KCNIP4: variants seen among roughly 807,000 people sequenced by gnomAD.
KCNIP4 encodes the protein potassium voltage-gated channel interacting protein 4, also known as Kv channel-interacting protein 4.
Under a neutral mutation model 34.0 loss-of-function variants are expected in KCNIP4, and 12 were observed. The observed-to-expected ratio is 0.35, with a 90% CI of 0.23 to 0.57. The LOEUF (loss-of-function observed/expected upper bound fraction) is 0.57, where lower values mean the gene tolerates loss of function less well. Among genes scored for constraint, KCNIP4 ranks in the 20% least tolerant of loss-of-function variants. The pLI is 0.83. For synonymous variants in KCNIP4, 124 were observed against 102.2 expected, an observed-to-expected ratio of 1.21 and a Z score of -1.29; for missense variants, 238 against 311.7, an observed-to-expected ratio of 0.76 and a Z score of 1.78.
intron 1 of KCNIP4, among the ~76,000 whole-genome samples, chr4:21,131,260 A>G (rs1389710523): frequency 6.6e-6 from 1 of 152,236 alleles, no homozygotes; most frequent in Non-Finnish European, 1.5e-5. Context: ...GATGTAGATG[A>G]ATAATAGATA....
chr4:20,797,024 T>C (rs1378440379), intron 3 of KCNIP4, among the ~76,000 whole-genome samples: 1 of 152,222 alleles, frequency 6.6e-6, no homozygotes, highest in Non-Finnish European at 1.5e-5. Flanking sequence ...CTCTGTGTTG[T>C]GTAATAATAT....
chr4:21,344,832 C>T (rs2109355895), intron 1 of KCNIP4, among the ~76,000 whole-genome samples: 1 of 152,164 alleles, frequency 6.6e-6, no homozygotes, highest in African/African-American at 2.4e-5. Flanking sequence ...CTGGGACTGC[C>T]CACAGGCATT....
intron 1 of KCNIP4, among the ~76,000 whole-genome samples, chr4:21,400,625 ATGT>A (rs1387601810): frequency 2.1e-5 from 3 of 142,930 alleles, no homozygotes; most frequent in Admixed American, 1.4e-4. Flanking sequence ...AGTAATTATG[ATGT>A]TGTTTATCAA....
intron 1 of KCNIP4, among the ~76,000 whole-genome samples, chr4:21,407,703 T>TA (rs1724114923): frequency 6.6e-6 from 1 of 152,196 alleles, no homozygotes; most frequent in Non-Finnish European, 1.5e-5. Context: ...TTGAACTCCC[T>TA]AAAAATTTAC....
At chr4:20,926,391 T>C (rs1456295917) in intron 1 of KCNIP4, among the ~76,000 whole-genome samples, 1 of 152,216 alleles carries the variant, frequency 6.6e-6, no homozygotes, top group Non-Finnish European at 1.5e-5. Context: ...GATTGGACAA[T>C]AGATTAACTA....
intron 1 of KCNIP4, among the ~76,000 whole-genome samples, chr4:21,780,978 T>A (rs1719540461): frequency 6.6e-6 from 1 of 152,236 alleles, no homozygotes; most frequent in East Asian, 1.9e-4. Flanking sequence ...TTTGAGAGTG[T>A]GTCTCTTCTA....
At chr4:21,353,702 G>T (rs936020162) in intron 1 of KCNIP4, among the ~76,000 whole-genome samples, 5 of 152,220 alleles carry the variant, frequency 3.3e-5, no homozygotes, top group African/African-American at 1.2e-4. Context: ...AAGGAGAATG[G>T]AAACAAGTGT....
At position 21,132,851 on chromosome 4, in the gene KCNIP4, G is replaced by C. The variant is rs1482439935; in HGVS notation, c.62-250142C>G. 6.5e-5 allele frequency among the ~76,000 whole-genome samples: 3 copies of C among 45,878 alleles called. No individual in the cohort carries two copies. In the Admixed American group the frequency reaches 7.1e-4, roughly 11 times the overall value. 30.1% of individuals were successfully genotyped at this position (45,878 alleles called of 152,430 possible). On this transcript the variant is annotated intron_variant, in intron 1 of 8. Transcript: ENST00000382152. The stretch of plus-strand genomic sequence containing the variant: ...TGGTGAAATGTCGTCTCTACTAAAC[G>C]ACAAAAAAAAAAAAAAAAAAAAAAT...
chr4:21,059,540 A>C (rs1184435061), intron 1 of KCNIP4, among the ~76,000 whole-genome samples: 1 of 152,064 alleles, frequency 6.6e-6, no homozygotes, highest in African/African-American at 2.4e-5. Flanking sequence ...ACCACACCAG[A>C]GAAGGAGAGA....
intron 1 of KCNIP4, among the ~76,000 whole-genome samples, chr4:21,693,562 C>CAAAA (rs374445031): frequency 2.0e-5 from 3 of 151,452 alleles, no homozygotes; most frequent in Middle Eastern, 3.4e-3. Flanking sequence ...GACTCCGTCT[C>CAAAA]AAAAATAAAT....
At chr4:21,486,109 C>T (rs1412499445) in intron 1 of KCNIP4, among the ~76,000 whole-genome samples, 1 of 152,204 alleles carries the variant, frequency 6.6e-6, no homozygotes, top group African/African-American at 2.4e-5. Flanking sequence ...CCTGGAAACA[C>T]AGCAGCAGAA....
chr4:21,440,637 A>G (rs988464969), intron 1 of KCNIP4, among the ~76,000 whole-genome samples: 1 of 151,760 alleles, frequency 6.6e-6, no homozygotes, highest in South Asian at 2.1e-4. Flanking sequence ...CAACATAATT[A>G]CTCTGTATTA....
intron 1 of KCNIP4, among the ~76,000 whole-genome samples, chr4:21,524,793 G>T (rs1347867654): frequency 6.7e-6 from 1 of 150,258 alleles, no homozygotes; most frequent in Non-Finnish European, 1.5e-5. Context: ...CTTGACTAGT[G>T]ATTTTTTTTT....
At chr4:20,808,407 T>C (rs1413261452) in intron 3 of KCNIP4, among the ~76,000 whole-genome samples, 2 of 152,308 alleles carry the variant, frequency 1.3e-5, no homozygotes, top group East Asian at 1.9e-4. Flanking sequence ...GGTGCTGAGA[T>C]GTAATCTGTC....
chr4:21,911,244 C>T (rs946528643), intron 1 of KCNIP4, among the ~76,000 whole-genome samples: 4 of 152,136 alleles, frequency 2.6e-5, no homozygotes, highest in African/African-American at 7.2e-5. Flanking sequence ...TAGCCAACCC[C>T]TAACATCTAC....
chr4:21,247,781 TATATATACACCACAGGTGG>T (rs1760367764), intron 1 of KCNIP4, among the ~76,000 whole-genome samples: 2 of 95,398 alleles, frequency 2.1e-5, no homozygotes, highest in East Asian at 2.5e-4. Flanking sequence ...GTGTTTTTTA[TATATATACACCACAGGTGG>T]ATATATATAT....
intron 1 of KCNIP4, among the ~76,000 whole-genome samples, chr4:21,768,205 T>C (rs898234740): frequency 8.5e-5 from 13 of 152,232 alleles, no homozygotes; most frequent in African/African-American, 3.1e-4. Context: ...TTTTAAGACC[T>C]AGGATTTTGG....
intron 1 of KCNIP4, among the ~76,000 whole-genome samples, chr4:21,011,585 C>T (rs964698552): frequency 5.9e-5 from 9 of 152,192 alleles, no homozygotes; most frequent in Non-Finnish European, 1.2e-4. Context: ...AACCAGATCA[C>T]AGGGCACATA....
In KCNIP4 at chr4:21,260,151, T is replaced by C. The variant is rs1349884889; in HGVS notation, c.62-377442A>G. Among the ~76,000 whole-genome samples the C allele has an allele frequency of 9.7e-4, 147 of 151,766 alleles. 1 individual carries two copies. Among genetic ancestry groups the C allele is most frequent in the Non-Finnish European group, 2.9e-5 (2 of 67,886 alleles). ...CTTATCATCAATAGAAATGAGCGTT[T>C]ATGGTCTTTCTATTTAGGAAAGAGT... On this transcript the variant is annotated intron_variant, in intron 1 of 8. Coordinates refer to ENST00000382152, the MANE Select transcript of KCNIP4 (RefSeq NM_025221.6).
Sources: allele counts gnomAD v4.1 joint callset (sites outside exome capture counted in the v4.1 genomes callset), GRCh38; gene constraint gnomAD v4.1.1; transcripts MANE v1.5; gene names NCBI Gene and HGNC (gene_info 2026-07-23, HGNC 2026-07-21).